The following BICRAL variants were observed in gnomAD, a reference collection of about 807,000 sequenced individuals.
The protein encoded by BICRAL is BRD4-interacting chromatin-remodeling complex-associated protein-like.
BICRAL carries 8 observed loss-of-function variants against 91.8 expected under a neutral mutation model. The ratio of observed to expected loss-of-function variants is 0.09; its 90% CI spans 0.05 to 0.16. The LOEUF (loss-of-function observed/expected upper bound fraction) is 0.16, where lower values mean the gene tolerates loss of function less well. BICRAL is among the 10% of genes least tolerant of loss of function. The pLI is 1.00. For synonymous variants in BICRAL, 445 were observed against 491.1 expected, an observed-to-expected ratio of 0.91 and a Z score of 1.24; for missense variants, 1,038 against 1,310.9, an observed-to-expected ratio of 0.79 and a Z score of 3.21.
chr6:42,756,927 C>T (rs1296785096), intron 1 of BICRAL, among the ~76,000 whole-genome samples: 2 of 103,778 alleles, frequency 1.9e-5, no homozygotes, highest in African/African-American at 7.2e-5. Context: ...TCTCCCCCCC[C>T]CCCACCCTCC....
At position 42,819,621 on chromosome 6, in the gene BICRAL, AT is replaced by A. The variant is rs527286622; in HGVS notation, c.-5-2393del. 2.3e-3 allele frequency among the ~76,000 whole-genome samples: 347 copies of A among 152,248 alleles called. 2 individuals are homozygous for A. The highest frequency in any genetic ancestry group is 6.4e-3 in the African/African-American group (266 of 41,554). ...TTTTAAAATCATAGACAATTTTACA[AT>A]TTTGCTCTGGTAAATTTACTTTGAT... is the stretch of plus-strand genomic sequence containing the variant. On this transcript the variant is annotated intron_variant, in intron 2 of 12. Coordinates refer to ENST00000314073, the MANE Select transcript of BICRAL (RefSeq NM_001393499.1).
At chr6:42,810,957 C>A (rs1451760302) in intron 2 of BICRAL, among the ~76,000 whole-genome samples, 3 of 152,144 alleles carry the variant, frequency 2.0e-5, no homozygotes, top group Non-Finnish European at 2.9e-5. Context: ...TCCCTTTCTC[C>A]TATTCTCCCT....
At chr6:42,783,432 G>C (rs1007208197) in intron 1 of BICRAL, among the ~76,000 whole-genome samples, 2 of 152,328 alleles carry the variant, frequency 1.3e-5, no homozygotes, top group East Asian at 1.9e-4. Context: ...TATTGGGTGG[G>C]GGGGTGCGGT....
intron 2 of BICRAL, among the ~76,000 whole-genome samples, chr6:42,811,693 C>T (rs192099300): frequency 1.5e-3 from 226 of 151,312 alleles, no homozygotes; most frequent in Non-Finnish European, 2.3e-3. Flanking sequence ...CTGCACTCCA[C>T]TCTACTATCT....
upstream of BICRAL, among the ~76,000 whole-genome samples, chr6:42,781,115 A>G (rs1164043202): frequency 6.6e-6 from 1 of 152,142 alleles, no homozygotes; most frequent in South Asian, 2.1e-4. Flanking sequence ...GAGATTAAAA[A>G]TAGGTGGTAG....
At chr6:42,833,058 CTTT>C (rs1292449197) in intron 6 of BICRAL, among the ~76,000 whole-genome samples, 3 of 139,770 alleles carry the variant, frequency 2.1e-5, no homozygotes, top group Non-Finnish European at 3.1e-5. Context: ...GGTAGACTGT[CTTT>C]TTTTTTTTTT....
chr6:42,815,150 G>A (rs562301002), intron 2 of BICRAL, among the ~76,000 whole-genome samples: 3 of 139,200 alleles, frequency 2.2e-5, no homozygotes, highest in East Asian at 4.7e-4. Flanking sequence ...TAAGGGTGAA[G>A]TTTGGTTTTC....
Position 42,828,735 on chromosome 6 carries a change from A to T in BICRAL, c.402A>T (p.Gln134His). The T allele has an allele frequency of 6.2e-7, 1 of 1,614,246 alleles. No individual in the cohort carries two copies. Among genetic ancestry groups the T allele is most frequent in the Non-Finnish European group, 8.5e-7 (1 of 1,180,046 alleles). The change falls in exon 6 of 13, where the codon CAA becomes CAT. Residue 134 changes from glutamine (Q) to histidine (H), a missense_variant. By Grantham distance (24) the Gln-to-His change is conservative. Around this residue, in one of 5 missense-constraint regions of BICRAL, gnomAD observed 532 missense variants for 724.9 expected, o/e 0.73. Coordinates refer to ENST00000314073, the MANE Select transcript of BICRAL (RefSeq NM_001393499.1). ...AYLDASIGSSQQFAQAQLHPS... is the reference protein window; with the variant it reads ...AYLDASIGSSHQFAQAQLHPS... ...TGGATGCCAGTATAGGTTCAAGCCAACAGTTTGCACAAGCTCAGCTTCATC... is the reference window on the plus strand; with the variant it reads ...TGGATGCCAGTATAGGTTCAAGCCATCAGTTTGCACAAGCTCAGCTTCATC...
intron 2 of BICRAL, among the ~76,000 whole-genome samples, chr6:42,819,936 C>T (rs1764095488): frequency 6.6e-6 from 1 of 152,140 alleles, no homozygotes; most frequent in African/African-American, 2.4e-5. Context: ...TCTTTCAAGC[C>T]AAGTGTTTGA....
intron 1 of BICRAL, among the ~76,000 whole-genome samples, chr6:42,768,466 A>C: frequency 6.6e-6 from 1 of 152,190 alleles, no homozygotes; most frequent in East Asian, 1.9e-4. Flanking sequence ...CAAAAGGAGG[A>C]GCTGCTTCTC....
intron 1 of BICRAL, among the ~76,000 whole-genome samples, chr6:42,754,457 C>A (rs1347707513): frequency 6.6e-6 from 1 of 152,174 alleles, no homozygotes; most frequent in Non-Finnish European, 1.5e-5. Context: ...CAGGTGTGAG[C>A]CACCGTGCCA....
intron 6 of BICRAL, among the ~76,000 whole-genome samples, chr6:42,847,516 G>A (rs1007605569): frequency 9.9e-5 from 15 of 151,238 alleles, no homozygotes; most frequent in Admixed American, 3.3e-4. Flanking sequence ...GGTGGCTCAC[G>A]CCTATAATCC....
upstream of BICRAL, among the ~76,000 whole-genome samples, chr6:42,778,882 A>G (rs925025226): frequency 1.1e-4 from 17 of 151,964 alleles, no homozygotes; most frequent in East Asian, 1.9e-4. Flanking sequence ...CAATGGCGCA[A>G]TCTTGGCTCA....
At chr6:42,826,109 A>G (rs773647196) in intron 5 of BICRAL, among the ~76,000 whole-genome samples, 2 of 151,976 alleles carry the variant, frequency 1.3e-5, no homozygotes, top group Non-Finnish European at 2.9e-5. Flanking sequence ...AAAAAGATAC[A>G]TATTTTAGAG....
At chr6:42,855,046 A>G (rs890202724) in intron 8 of BICRAL, among the ~76,000 whole-genome samples, 1 of 152,222 alleles carries the variant, frequency 6.6e-6, no homozygotes, top group Non-Finnish European at 1.5e-5. Flanking sequence ...ACTGCCTGGA[A>G]TACACAGTGA....
chr6:42,863,943 CA>C (rs948096256), intron 12 of BICRAL, among the ~76,000 whole-genome samples: 1 of 152,046 alleles, frequency 6.6e-6, no homozygotes, highest in Non-Finnish European at 1.5e-5. Context: ...GTGGGCGGAT[CA>C]TCTGAGGTCA....
chr6:42,754,470 C>T (rs1052380863), intron 1 of BICRAL, among the ~76,000 whole-genome samples: 1 of 152,220 alleles, frequency 6.6e-6, no homozygotes, highest in African/African-American at 2.4e-5. Flanking sequence ...CCGTGCCATA[C>T]ATAGACTTTT....
intron 2 of BICRAL, among the ~76,000 whole-genome samples, chr6:42,812,726 C>A (rs894238921): frequency 6.6e-6 from 1 of 151,744 alleles, no homozygotes; most frequent in Non-Finnish European, 1.5e-5. Flanking sequence ...AAATGAAAGC[C>A]GGAGAGATTA....
upstream of BICRAL, among the ~76,000 whole-genome samples, chr6:42,778,796 A>C (rs1288893573): frequency 6.6e-6 from 1 of 151,996 alleles, no homozygotes; most frequent in African/African-American, 2.4e-5. Context: ...AGGGGGCAAC[A>C]AAGCAAGACC....
Sources: gnomAD v4.1 joint callset for allele counts (sites outside exome capture counted in the v4.1 genomes callset) on GRCh38, gnomAD v4.1.1 for gene constraint, gnomAD v4.1.1 regional missense constraint, MANE v1.5 for transcripts, NCBI Gene and HGNC (gene_info 2026-07-23, HGNC 2026-07-21) for gene names.